The following STARD3 variants were observed in gnomAD, a reference collection of about 807,000 sequenced individuals.
The protein encoded by STARD3 is StAR related lipid transfer domain containing 3, also known as stAR-related lipid transfer protein 3.
STARD3 carries 39 observed loss-of-function variants against 62.0 expected under a neutral mutation model. The observed-to-expected ratio is 0.63, with a 90% CI of 0.49 to 0.82. The LOEUF (loss-of-function observed/expected upper bound fraction) is 0.82. Ranked by LOEUF, STARD3 falls within the 40% of genes least tolerant of loss-of-function variation. The pLI is 0.00. For synonymous variants in STARD3, 229 were observed against 242.4 expected (o/e 0.94, Z 0.51); for missense variants, 543 against 584.5 (o/e 0.93, Z 0.73).
chr17:39,649,985 A>C (rs1465657330), intron 1 of STARD3, among the ~76,000 whole-genome samples: 1 of 152,168 alleles, frequency 6.6e-6, no homozygotes, highest in African/African-American at 2.4e-5. Context: ...TAATCCCAGC[A>C]CTTTGGGAGA....
At chr17:39,659,137 C>T in intron 8 of STARD3, 31 bp downstream of exon 8, 3 of 1,613,828 alleles carry the variant, frequency 1.9e-6, no homozygotes, top group Non-Finnish European at 2.5e-6. Context: ...AACCCCTGCC[C>T]TTGGAATGGG....
intron 3 of STARD3, 92 bp from the exon 4 acceptor site, chr17:39,657,683 G>A (rs1455011304): frequency 5.8e-6 from 8 of 1,387,104 alleles, no homozygotes; most frequent in Non-Finnish European, 7.2e-6. Context: ...CATAGGAAGG[G>A]AACGTGGGGG....
rs2057162693 is a variant in STARD3 at position 39,658,896 on chromosome 17, T to C, written c.646+76T>C. Reference sequence around the variant, plus strand: ...AATGGGGTAGGCTGGGTCTGTTCTTTCTATTCCTTCTATCAGGCTCCCTGG... The same window carrying C: ...AATGGGGTAGGCTGGGTCTGTTCTTCCTATTCCTTCTATCAGGCTCCCTGG... On this transcript the variant is annotated intron_variant, in intron 7 of 14. Transcript: ENST00000336308. 4.4e-6 allele frequency: 7 copies of C among 1,573,180 alleles called. No homozygotes were observed. The Admixed American group carries it at 8.4e-5, about 19-fold the overall frequency.
rs913801174 is a variant in STARD3 at position 39,660,661 on chromosome 17, G to A, written c.954+135G>A. ...GATGGTAACAGTGCCTGCTCGGGAG[G>A]GTCGGGAGGAGGGCAGGAGGAGTGC... On this transcript the variant is annotated intron_variant, in intron 11 of 14. Transcript: ENST00000336308. This position sits in a 1 kb window ranked among gnomAD's most constrained non-coding sequence, Gnocchi z 4.8. 3 of 1,357,232 alleles carry A rather than the reference G, an allele frequency of 2.2e-6. No individual in the cohort carries two copies. Among genetic ancestry groups the A allele is most frequent in the African/African-American group, 1.4e-5 (1 of 70,112 alleles). The allele number at this position is 1,357,232 out of a possible 1,614,324, so 84.1% of individuals were successfully genotyped here. A position where few individuals can be genotyped will look rare whatever the true frequency, so the allele number is the denominator to read the frequency against.
chr17:39,649,359 A>G (rs1196695377), intron 1 of STARD3, among the ~76,000 whole-genome samples: 2 of 152,240 alleles, frequency 1.3e-5, no homozygotes, highest in Admixed American at 6.5e-5. Context: ...TCACTGCAGC[A>G]TTTCTGGAAT....
At chr17:39,661,962 GTGTA>G (rs1405290435) in intron 13 of STARD3, among the ~76,000 whole-genome samples, 1 of 152,208 alleles carries the variant, frequency 6.6e-6, no homozygotes, top group Non-Finnish European at 1.5e-5. Context: ...TCTGGACAGA[GTGTA>G]TGAGGGCTGG....
chr17:39,659,492 C>T lies in STARD3; in HGVS notation c.734C>T (p.Ala245Val). 6.2e-7 allele frequency: 1 copy of T among 1,614,132 alleles called. No individual in the cohort carries two copies. The highest frequency in any genetic ancestry group is 1.3e-5 in the African/African-American group (1 of 75,054). Reference sequence around the variant, plus strand: ...GAGTACATCCGCCAGGGGAAGGAGGCCACGGCAGTGGTGGACCAGATCTTG... The same window carrying T: ...GAGTACATCCGCCAGGGGAAGGAGGTCACGGCAGTGGTGGACCAGATCTTG... Reference protein sequence around the residue: ...EREYIRQGKEATAVVDQILAQ... With the variant: ...EREYIRQGKEVTAVVDQILAQ... Residue 245 changes from alanine (A) to valine (V), a missense_variant, in exon 9 of 15, where the codon GCC becomes GTC. Coordinates refer to ENST00000336308, the MANE Select transcript of STARD3 (RefSeq NM_006804.4).
At position 39,660,649 on chromosome 17, in the gene STARD3, C is replaced by T; in HGVS notation, c.954+123C>T. On this transcript the variant is annotated intron_variant, in intron 11 of 14. Coordinates refer to ENST00000336308, the MANE Select transcript of STARD3 (RefSeq NM_006804.4). This position sits in a 1 kb window ranked among gnomAD's most constrained non-coding sequence, Gnocchi z 4.8. ...TACAGTGGGTGTGATGGTAACAGTG[C>T]CTGCTCGGGAGGGTCGGGAGGAGGG... The T allele has an allele frequency of 6.6e-6, 9 of 1,371,646 alleles. No homozygotes were observed. Among genetic ancestry groups the T allele is most frequent in the Non-Finnish European group, 9.2e-6 (9 of 975,046 alleles). 85.0% of individuals were successfully genotyped at this position (1,371,646 alleles called of 1,614,324 possible).
intron 3 of STARD3, among the ~76,000 whole-genome samples, 167 bp downstream of exon 3, chr17:39,657,252 G>A (rs1322985370): frequency 3.9e-5 from 6 of 152,128 alleles, no homozygotes; most frequent in East Asian, 1.9e-4. Context: ...AAGGCTGGGC[G>A]CAGTGGCTCA....
chr17:39,646,253 TTTG>T (rs2057025346), intron 1 of STARD3, among the ~76,000 whole-genome samples: 1 of 152,014 alleles, frequency 6.6e-6, no homozygotes, highest in South Asian at 2.1e-4. Flanking sequence ...TAACCTTTTG[TTTG>T]TTGTTTTTTG....
intron 14 of STARD3, 185 bp downstream of exon 14, chr17:39,662,529 C>T: frequency 1.5e-6 from 1 of 657,832 alleles, no homozygotes; most frequent in Non-Finnish European, 2.6e-6. Context: ...TGCTGTAGGG[C>T]ATGTGCCCCC....
At chr17:39,662,206 C>T (rs987980361) in intron 13 of STARD3, 45 bp from the exon 14 acceptor site, 1 of 1,568,556 alleles carries the variant, frequency 6.4e-7, no homozygotes, top group African/African-American at 1.4e-5. Flanking sequence ...GGTGTCAGGG[C>T]CTCACTCTGT....
At chr17:39,659,183 G>T in intron 8 of STARD3, 77 bp downstream of exon 8, 1 of 1,574,872 alleles carries the variant, frequency 6.3e-7, no homozygotes, top group Non-Finnish European at 8.7e-7. Flanking sequence ...GTCAGCCGGG[G>T]TGGGCAGGGG....
intron 1 of STARD3, among the ~76,000 whole-genome samples, chr17:39,642,543 C>G (rs957084694): frequency 6.6e-5 from 10 of 152,164 alleles, no homozygotes; most frequent in African/African-American, 2.4e-4. Flanking sequence ...TTCCTGGAAA[C>G]CCACTCTGAG....
chr17:39,650,991 C>T (rs2057072967), intron 1 of STARD3, among the ~76,000 whole-genome samples: 1 of 152,170 alleles, frequency 6.6e-6, no homozygotes, highest in Non-Finnish European at 1.5e-5. Flanking sequence ...ATGAGGGATG[C>T]ACTGAGCATG....
chr17:39,658,969 G>A (rs2057163481), intron 7 of STARD3, 82 bp from the exon 8 acceptor site: 5 of 1,580,800 alleles, frequency 3.2e-6, no homozygotes, highest in Non-Finnish European at 4.3e-6. Context: ...CCACATCCTT[G>A]CACTCACATA....
chr17:39,662,582 G>A, intron 14 of STARD3: 1 of 629,450 alleles, frequency 1.6e-6, no homozygotes, highest in Non-Finnish European at 2.7e-6. Context: ...AAGGGTGGCT[G>A]GTGGCCAGCC....
chr17:39,662,183 G>C, intron 13 of STARD3, 68 bp from the exon 14 acceptor site: 9 of 1,417,068 alleles, frequency 6.4e-6, no homozygotes, highest in Non-Finnish European at 8.8e-6. Context: ...GTGAGTGGTA[G>C]GGGCTGCGGG....
In STARD3 at chr17:39,662,825, A is replaced by C; in HGVS notation, c.1255A>C (p.Ile419Leu). ...DLKGRLPRYL[I>L]HQSLAATMFE... ...CCAGGGCCGCCTGCCCCGGTACCTC[A>C]TCCACCAGAGCCTCGCGGCCACCAT... The change falls in exon 15 of 15, where the codon ATC (isoleucine) becomes CTC (leucine). Residue 419 changes from isoleucine to leucine, a missense_variant. Ile to Leu is a conservative substitution (Grantham distance 5). Coordinates refer to ENST00000336308, the MANE Select transcript of STARD3 (RefSeq NM_006804.4). 1 of 1,611,104 alleles carries C rather than the reference A, an allele frequency of 6.2e-7. No homozygotes were observed.
Sources: allele counts gnomAD v4.1 joint callset (sites outside exome capture counted in the v4.1 genomes callset), GRCh38; gene constraint gnomAD v4.1.1; non-coding constraint Gnocchi (gnomAD v3.1); transcripts MANE v1.5; gene names NCBI Gene and HGNC (gene_info 2026-07-23, HGNC 2026-07-21).